SMCHD1: variants seen among roughly 807,000 people sequenced by gnomAD.
SMCHD1 encodes the protein structural maintenance of chromosomes flexible hinge domain containing 1, also known as structural maintenance of chromosomes flexible hinge domain-containing protein 1.
A neutral mutation model predicts 254.7 loss-of-function variants in SMCHD1; 78 were observed. That is an observed-to-expected ratio of 0.31 (90% confidence interval 0.26 to 0.37). The LOEUF (loss-of-function observed/expected upper bound fraction) is 0.37, where lower values mean the gene tolerates loss of function less well. SMCHD1 is among the 10% of genes least tolerant of loss of function. SMCHD1 has a pLI of 1.00. For missense variants in SMCHD1, 1,840 were observed against 2,408.1 expected, an observed-to-expected ratio of 0.76 and a Z score of 4.94; for synonymous variants, 766 against 794.9, an observed-to-expected ratio of 0.96 and a Z score of 0.61.
intron 45 of SMCHD1, among the ~76,000 whole-genome samples, chr18:2,787,112 G>A (rs1302207377): frequency 6.6e-6 from 1 of 152,160 alleles, no homozygotes; most frequent in African/African-American, 2.4e-5. Flanking sequence ...ATCTGGTGAG[G>A]GCGTCAGGCT....
chr18:2,709,226 A>ATG (rs2143277697), intron 17 of SMCHD1, among the ~76,000 whole-genome samples: 2 of 83,302 alleles, frequency 2.4e-5, no homozygotes, highest in African/African-American at 9.9e-5. Flanking sequence ...ATATATGTGT[A>ATG]TATGTGTATA....
At chr18:2,660,464 A>G (rs958216941) in intron 1 of SMCHD1, among the ~76,000 whole-genome samples, 2 of 150,060 alleles carry the variant, frequency 1.3e-5, no homozygotes. Context: ...ATAGATTAAA[A>G]ATCCATGGTT....
intron 7 of SMCHD1, among the ~76,000 whole-genome samples, chr18:2,692,036 C>T (rs1326643527): frequency 6.6e-6 from 1 of 152,250 alleles, no homozygotes; most frequent in Non-Finnish European, 1.5e-5. Flanking sequence ...TTGGCATCCA[C>T]ATTTTGGCTG....
At chr18:2,719,881 G>C (rs529386601) in intron 19 of SMCHD1, among the ~76,000 whole-genome samples, 34 of 152,164 alleles carry the variant, frequency 2.2e-4, no homozygotes, top group African/African-American at 7.7e-4. Flanking sequence ...CTTCATGTTG[G>C]TGAGGCTGGT....
Position 2,754,534 on chromosome 18 carries a change from G to A in SMCHD1, c.4346+1982G>A, listed in dbSNP as rs1250090273. Among the ~76,000 whole-genome samples the A allele has an allele frequency of 2.0e-5, 3 of 152,190 alleles. No individual in the cohort carries two copies. The East Asian group carries it at 5.8e-4, about 29-fold the overall frequency. On this transcript the variant is annotated intron_variant, in intron 34 of 47. Transcript: ENST00000320876. Reference sequence around the variant, plus strand: ...TGCGTATAAAATGTTGTCAACCAGGGAAGCTCACTGGGGACTCAGCATTCA... The same window carrying A: ...TGCGTATAAAATGTTGTCAACCAGGAAAGCTCACTGGGGACTCAGCATTCA...
intron 34 of SMCHD1, among the ~76,000 whole-genome samples, chr18:2,757,730 CTA>C (rs2075707942): frequency 6.6e-6 from 1 of 151,594 alleles, no homozygotes; most frequent in Non-Finnish European, 1.5e-5. Flanking sequence ...GTACAGTGTT[CTA>C]TATCTTTTAT....
At chr18:2,747,686 T>C (rs2075481880) in intron 30 of SMCHD1, 39 bp downstream of exon 30, 2 of 1,449,210 alleles carry the variant, frequency 1.4e-6, no homozygotes, top group Non-Finnish European at 1.9e-6. Context: ...TTTAAAATTC[T>C]GGATTTCATT....
intron 29 of SMCHD1, among the ~76,000 whole-genome samples, chr18:2,745,248 G>C (rs893922749): frequency 2.6e-5 from 4 of 152,028 alleles, no homozygotes; most frequent in Admixed American, 2.0e-4. Flanking sequence ...TGAGCTCCTG[G>C]GCCCAGGCAA....
intron 12 of SMCHD1, among the ~76,000 whole-genome samples, chr18:2,702,895 G>A (rs763228008): frequency 4.6e-5 from 7 of 152,148 alleles, no homozygotes; most frequent in African/African-American, 9.7e-5. Flanking sequence ...TGTCCTCTGC[G>A]AAAGCATGTA....
intron 5 of SMCHD1, among the ~76,000 whole-genome samples, chr18:2,682,415 T>C (rs1450563181): frequency 6.6e-6 from 1 of 151,290 alleles, no homozygotes; most frequent in Non-Finnish European, 1.5e-5. Flanking sequence ...CAACCCTGCC[T>C]CCCAGGTTCA....
At chr18:2,675,167 T>A (rs191055032) in intron 5 of SMCHD1, among the ~76,000 whole-genome samples, 91 of 152,154 alleles carry the variant, frequency 6.0e-4, no homozygotes, top group Admixed American at 1.8e-3. Flanking sequence ...ACATGTAAAA[T>A]CCTTAGGACA....
rs532379785 is a variant in SMCHD1, at chr18:2,727,955, T to C, written c.2774-502T>C. Among the ~76,000 whole-genome samples the C allele has an allele frequency of 3.9e-5, 6 of 152,190 alleles. No homozygotes were observed. The South Asian group carries it at 1.2e-3, about 32-fold the overall frequency. ...AGAAGTATAAGCCTACTTTTCTTAA[T>C]CTTAAAGGAAATTTGTGATGTTAAT... On this transcript the variant is annotated intron_variant, in intron 22 of 47. Coordinates refer to ENST00000320876, the MANE Select transcript of SMCHD1 (RefSeq NM_015295.3).
Position 2,772,325 on chromosome 18 carries a change from T to C in SMCHD1, c.5128T>C (p.Cys1710Arg). Residue 1710 changes from cysteine (C) to arginine (R), a missense_variant, in exon 41 of 48, where the codon TGT becomes CGT. Cys to Arg is a radical substitution (Grantham distance 180). This residue lies in a region of SMCHD1 where 881 missense variants were observed against 1,009.5 expected (regional missense o/e 0.87). Transcript: ENST00000320876. Reference sequence around the variant, plus strand: ...ACTGAAGAAAAAACCTAGAAGATCGTGTACTCTTCCAAACTATACTAAAGG... The same window carrying C: ...ACTGAAGAAAAAACCTAGAAGATCGCGTACTCTTCCAAACTATACTAAAGG... ...EELKKKPRRS[C>R]TLPNYTKGSG... The C allele has an allele frequency of 6.2e-7, 1 of 1,607,146 alleles. No individual in the cohort carries two copies. The highest frequency in any genetic ancestry group is 8.5e-7 in the Non-Finnish European group (1 of 1,177,476).
At chr18:2,782,744 C>CAAAAAAAAAAAAAA (rs779083565) in intron 44 of SMCHD1, among the ~76,000 whole-genome samples, 7 of 44,972 alleles carry the variant, frequency 1.6e-4, no homozygotes, top group African/African-American at 2.9e-4. Context: ...GACCACAACT[C>CAAAAAAAAAAAAAA]AAAAAAAAAA....
Position 2,778,153 on chromosome 18 carries a change from T to G in SMCHD1, c.5477-16T>G. 4 of 1,571,498 alleles carry G rather than the reference T, an allele frequency of 2.5e-6. No individual in the cohort carries two copies. The highest frequency in any genetic ancestry group is 3.5e-6 in the Non-Finnish European group (4 of 1,152,834). ...AAATATCATAATTTTCAAAATTCAT[T>G]TATTGACTTTTTTAGTATTTGGTAT... is the stretch of plus-strand genomic sequence containing the variant. On this transcript the variant is annotated splice_polypyrimidine_tract_variant and intron_variant, in intron 43 of 47. Transcript: ENST00000320876.
chr18:2,771,322 T>C (rs986793618), intron 39 of SMCHD1, among the ~76,000 whole-genome samples: 2 of 152,220 alleles, frequency 1.3e-5, no homozygotes, highest in Non-Finnish European at 1.5e-5. Flanking sequence ...TCCCTTTAGT[T>C]GCATTAATTT....
intron 17 of SMCHD1, among the ~76,000 whole-genome samples, chr18:2,711,836 G>A (rs62084221): frequency 0.19 from 29,000 of 152,098 alleles, 3,051 homozygotes; most frequent in South Asian, 0.27. Flanking sequence ...GGAGGTTTTG[G>A]AGTCATAGGT....
At chr18:2,725,795 T>C (rs570319983) in intron 21 of SMCHD1, among the ~76,000 whole-genome samples, 9 of 152,068 alleles carry the variant, frequency 5.9e-5, no homozygotes, top group Admixed American at 2.0e-4. Context: ...AATTTGACTT[T>C]AGTAAGATAA....
chr18:2,756,059 A>C (rs555097829), intron 34 of SMCHD1, among the ~76,000 whole-genome samples: 91 of 152,270 alleles, frequency 6.0e-4, no homozygotes, highest in African/African-American at 2.1e-3. Flanking sequence ...TCTTAATTAT[A>C]AATTGACTTC....
Sources: gnomAD v4.1 joint callset for allele counts (sites outside exome capture counted in the v4.1 genomes callset) on GRCh38, gnomAD v4.1.1 for gene constraint, gnomAD v4.1.1 regional missense constraint, MANE v1.5 for transcripts, NCBI Gene and HGNC (gene_info 2026-07-23, HGNC 2026-07-21) for gene names.